Variants in TFB1M observed in about 807,000 individuals in gnomAD.
TFB1M encodes the protein dimethyladenosine transferase 1, mitochondrial.
A neutral mutation model predicts 31.1 loss-of-function variants in TFB1M; 27 were observed. The ratio of observed to expected loss-of-function variants is 0.87; its 90% confidence interval spans 0.64 to 1.20. The LOEUF is 1.20. Among genes scored for constraint, TFB1M ranks in the 50% most tolerant of loss-of-function variants. The pLI is 0.00. For synonymous variants in TFB1M, 166 were observed against 151.8 expected, an observed-to-expected ratio of 1.09 and a Z score of -0.69; for missense variants, 394 against 418.7, an observed-to-expected ratio of 0.94 and a Z score of 0.51.
intron 2 of TFB1M, among the ~76,000 whole-genome samples, chr6:155,309,445 A>G (rs1231488610): frequency 6.6e-6 from 1 of 152,214 alleles, no homozygotes; most frequent in Non-Finnish European, 1.5e-5. Context: ...ATCGAATGAG[A>G]TAAAACAAGG....
intron 2 of TFB1M, among the ~76,000 whole-genome samples, chr6:155,309,634 C>T (rs1443080785): frequency 2.6e-5 from 4 of 152,032 alleles, no homozygotes; most frequent in Non-Finnish European, 4.4e-5. Context: ...ATAAACCCAA[C>T]GAATGGTGAG....
intron 5 of TFB1M, among the ~76,000 whole-genome samples, chr6:155,284,688 A>G (rs1776540992): frequency 1.3e-5 from 2 of 152,224 alleles, no homozygotes; most frequent in African/African-American, 4.8e-5. Context: ...GCCTAGTTTA[A>G]TATCCAACTG....
chr6:155,254,691 AT>A, downstream of TFB1M: 6 of 1,325,010 alleles, frequency 4.5e-6, no homozygotes, highest in Non-Finnish European at 6.2e-6. Flanking sequence ...AGGTACCTTT[AT>A]CTCCTTTTAA....
intron 4 of TFB1M, among the ~76,000 whole-genome samples, chr6:155,296,529 C>T (rs1254664143): frequency 1.3e-5 from 2 of 150,710 alleles, no homozygotes; most frequent in Admixed American, 6.7e-5. Context: ...CCGCCTGCCT[C>T]GGCCTCCCAA....
chr6:155,250,572 T>C, the TFB1M span: 4 of 1,536,038 alleles, frequency 2.6e-6, no homozygotes, highest in South Asian at 3.6e-5. Flanking sequence ...ATGGATGTAC[T>C]AGATCCCAGG....
downstream of TFB1M, among the ~76,000 whole-genome samples, chr6:155,252,573 C>T (rs1269026122): frequency 6.6e-6 from 1 of 152,202 alleles, no homozygotes; most frequent in African/African-American, 2.4e-5. Flanking sequence ...GTTCCATAAA[C>T]ATAGTCTGTG....
the TFB1M span, among the ~76,000 whole-genome samples, chr6:155,239,021 C>G: frequency 6.6e-6 from 1 of 152,118 alleles, no homozygotes; most frequent in Non-Finnish European, 1.5e-5. Flanking sequence ...TTTTGGGGTG[C>G]TTCAGTTTGT....
chr6:155,308,315 G>A (rs1777874699), intron 2 of TFB1M, among the ~76,000 whole-genome samples: 1 of 152,162 alleles, frequency 6.6e-6, no homozygotes. Flanking sequence ...TGCTCCAATG[G>A]AATAACACGA....
At position 155,296,975 on chromosome 6, in the gene TFB1M, G is replaced by A. The variant is rs758690429; in HGVS notation, c.524C>T (p.Thr175Ile). The A allele has an allele frequency of 6.2e-7, 1 of 1,613,962 alleles. No homozygotes were observed. The highest frequency in any genetic ancestry group is 8.5e-7 in the Non-Finnish European group (1 of 1,179,942). ...FVYGRTQMTL[T>I]FQKEVAERLA... ...TACCTCTGCCACTTCCTTTTGAAAA[G>A]TCAAAGTCATCTGAGTTCTGCCATA... is the stretch of plus-strand genomic sequence containing the variant. The change falls in exon 4 of 7, where the codon ACT becomes ATT. Residue 175 changes from threonine to isoleucine, a missense_variant. Thr to Ile is a moderately conservative substitution (Grantham distance 89, BLOSUM62 -1). Coordinates refer to ENST00000367166, the MANE Select transcript of TFB1M (RefSeq NM_016020.4).
chr6:155,287,707 C>T (rs1396014324), intron 4 of TFB1M, among the ~76,000 whole-genome samples: 1 of 151,872 alleles, frequency 6.6e-6, no homozygotes, highest in Non-Finnish European at 1.5e-5. Flanking sequence ...AACATATCAA[C>T]AATATTTTAT....
chr6:155,301,267 G>A lies in TFB1M; in HGVS notation c.286-2682C>T, dbSNP rs545599776. Among the ~76,000 whole-genome samples the A allele has an allele frequency of 2.0e-4, 30 of 152,270 alleles. 1 individual carries two copies. The highest frequency in any genetic ancestry group is 2.1e-4 in the South Asian group (1 of 4,822). ...ACTCCCCACTGCAGAAGGAATGAACGCTCATGTTAACAGATTTATGTGAAG... is the reference window on the plus strand; with the variant it reads ...ACTCCCCACTGCAGAAGGAATGAACACTCATGTTAACAGATTTATGTGAAG... On this transcript the variant is annotated intron_variant, in intron 2 of 6. Transcript: ENST00000367166.
At chr6:155,237,805 A>G in the TFB1M span, among the ~76,000 whole-genome samples, 2 of 152,052 alleles carry the variant, frequency 1.3e-5, no homozygotes, top group Non-Finnish European at 2.9e-5. Flanking sequence ...CAGCATGGGG[A>G]CCCTGGGCTT....
chr6:155,250,930 G>C, the TFB1M span: 1 of 1,614,142 alleles, frequency 6.2e-7, no homozygotes, highest in Non-Finnish European at 8.5e-7. Context: ...AACTTTCGAT[G>C]GGAGAGCTTC....
At chr6:155,232,098 C>CAA in the TFB1M span, among the ~76,000 whole-genome samples, 6 of 136,542 alleles carry the variant, frequency 4.4e-5, no homozygotes, top group African/African-American at 1.5e-4. Flanking sequence ...AAAACAAAAA[C>CAA]AAAAAAAAAC....
At chr6:155,254,393 G>A (rs749329380), downstream of TFB1M, 37 of 1,607,026 alleles carry the variant, frequency 2.3e-5, no homozygotes, top group Middle Eastern at 1.6e-4. Flanking sequence ...GGACACTTCT[G>A]CTGTTTTCTC....
intron 4 of TFB1M, among the ~76,000 whole-genome samples, chr6:155,287,915 T>C (rs1390435275): frequency 6.6e-6 from 1 of 152,100 alleles, no homozygotes; most frequent in Non-Finnish European, 1.5e-5. Flanking sequence ...ACTGGAATAA[T>C]CCTGGGGCTA....
At chr6:155,244,921 A>C in the TFB1M span, 1 of 1,117,212 alleles carries the variant, frequency 9.0e-7, no homozygotes, top group Non-Finnish European at 1.2e-6. Flanking sequence ...ATTTCCTTGC[A>C]CCGTTTTCCT....
the TFB1M span, among the ~76,000 whole-genome samples, chr6:155,246,263 G>A: frequency 6.6e-6 from 1 of 152,002 alleles, no homozygotes. Flanking sequence ...TTATCCTGAC[G>A]CCCTTAGTGC....
chr6:155,243,522 G>T, the TFB1M span, among the ~76,000 whole-genome samples: 1 of 152,140 alleles, frequency 6.6e-6, no homozygotes, highest in Non-Finnish European at 1.5e-5. Flanking sequence ...TTTGAATTAG[G>T]TGAGCAATAA....
Sources: allele counts gnomAD v4.1 joint callset (sites outside exome capture counted in the v4.1 genomes callset), GRCh38; gene constraint gnomAD v4.1.1; transcripts MANE v1.5; gene names NCBI Gene and HGNC (gene_info 2026-07-23, HGNC 2026-07-21).